Variants in RANBP2 observed in about 807,000 individuals in gnomAD.
RANBP2 encodes the protein RAN binding protein 2.
In RANBP2, 57 loss-of-function variants were observed where a neutral mutation model predicts 303.6. The observed-to-expected ratio is 0.19, with a 90% confidence interval of 0.15 to 0.23. The LOEUF is 0.23. Among genes scored for constraint, RANBP2 ranks in the 10% least tolerant of loss-of-function variants. The pLI, the probability that RANBP2 is intolerant of heterozygous loss-of-function variation, is 1.00. For missense variants in RANBP2, 3,138 were observed against 3,780.8 expected, an observed-to-expected ratio of 0.83 and a Z score of 4.46; for synonymous variants, 1,167 against 1,301.5, an observed-to-expected ratio of 0.90 and a Z score of 2.23.
At chr2:109,489,601 C>T in the RANBP2 span, among the ~76,000 whole-genome samples, 8 of 152,328 alleles carry the variant, frequency 5.3e-5, no homozygotes, top group East Asian at 7.7e-4. Context: ...GCTGTGTTGT[C>T]GGGGATGGCC....
At position 108,762,169 on chromosome 2, in the gene RANBP2, C is replaced by A; in HGVS notation, c.2671C>A (p.Pro891Thr). The change falls in exon 19 of 29, where the codon CCA (proline) becomes ACA (threonine). Residue 891 changes from proline to threonine, a missense_variant. Physicochemically the swap from Pro to Thr is conservative, Grantham distance 38. Around this residue, in one of 20 missense-constraint regions of RANBP2, gnomAD observed 26 missense variants for 58.0 expected, o/e 0.45. Coordinates refer to ENST00000283195, the MANE Select transcript of RANBP2 (RefSeq NM_006267.5). ...PAYNSQYLLRPAANVTPTKGP... is the reference protein window; with the variant it reads ...PAYNSQYLLRTAANVTPTKGP... ...ATATAATTCCCAGTATCTTCTCAGA[C>A]CAGCAGCTAATGTTACTCCCACAAA... 6.3e-7 allele frequency: 1 copy of A among 1,592,830 alleles called. No individual in the cohort carries two copies. The highest frequency in any genetic ancestry group is 8.5e-7 in the Non-Finnish European group (1 of 1,178,246).
the RANBP2 span, among the ~76,000 whole-genome samples, chr2:109,131,614 G>A: frequency 2.0e-5 from 3 of 152,150 alleles, no homozygotes; most frequent in South Asian, 4.1e-4. Context: ...GAGGTTAGGA[G>A]GTAACCTCTG....
At chr2:109,593,002 T>G in the RANBP2 span, 2 of 1,277,292 alleles carry the variant, frequency 1.6e-6, no homozygotes, top group East Asian at 5.1e-5. Flanking sequence ...TTTAAAATCA[T>G]AGAAGCATTT....
chr2:108,975,556 T>C, the RANBP2 span, among the ~76,000 whole-genome samples: 1 of 152,140 alleles, frequency 6.6e-6, no homozygotes, highest in Non-Finnish European at 1.5e-5. Context: ...GGGTGGACTG[T>C]AGGCTCAGCT....
At chr2:108,959,580 G>T in the RANBP2 span, among the ~76,000 whole-genome samples, 2 of 151,350 alleles carry the variant, frequency 1.3e-5, no homozygotes, top group Non-Finnish European at 2.9e-5. Flanking sequence ...GCAGTCATGG[G>T]GCTGAGGGGA....
chr2:108,921,100 C>T, the RANBP2 span, among the ~76,000 whole-genome samples: 7 of 152,172 alleles, frequency 4.6e-5, no homozygotes, highest in East Asian at 1.9e-4. Context: ...CTGCGAATCA[C>T]CCCCCTGAAA....
At chr2:108,727,888 C>T (rs1694858385) in intron 1 of RANBP2, among the ~76,000 whole-genome samples, 1 of 152,154 alleles carries the variant, frequency 6.6e-6, no homozygotes, top group Non-Finnish European at 1.5e-5. Flanking sequence ...CAGGTGTGAG[C>T]CACCGCACCC....
chr2:109,769,279 CCTT>C, the RANBP2 span, among the ~76,000 whole-genome samples: 12 of 120,046 alleles, frequency 1.0e-4, 4 homozygotes, highest in South Asian at 5.5e-4. Flanking sequence ...GCTCGGCCAA[CCTT>C]CTTCTCTCCG....
the RANBP2 span, among the ~76,000 whole-genome samples, chr2:109,280,958 A>C: frequency 6.6e-6 from 1 of 152,198 alleles, no homozygotes; most frequent in Admixed American, 6.5e-5. Context: ...CAGGTTCCCT[A>C]GGTGGCAGTG....
chr2:109,519,598 G>T, the RANBP2 span, among the ~76,000 whole-genome samples: 2 of 152,202 alleles, frequency 1.3e-5, no homozygotes, highest in African/African-American at 4.8e-5. Context: ...AGGGTCAGTT[G>T]TGACTTGAAA....
At chr2:109,233,067 G>A in the RANBP2 span, among the ~76,000 whole-genome samples, 1 of 152,162 alleles carries the variant, frequency 6.6e-6, no homozygotes, top group African/African-American at 2.4e-5. Flanking sequence ...CGGAGCTAGT[G>A]CTTTTGGGCT....
chr2:108,986,099 C>T, the RANBP2 span, among the ~76,000 whole-genome samples: 1 of 152,136 alleles, frequency 6.6e-6, no homozygotes, highest in East Asian at 1.9e-4. Context: ...TAAATATGGT[C>T]AAGCTCATTT....
At chr2:109,580,079 C>T in the RANBP2 span, among the ~76,000 whole-genome samples, 2 of 151,948 alleles carry the variant, frequency 1.3e-5, no homozygotes, top group Admixed American at 1.3e-4. Flanking sequence ...CTAGATCGCA[C>T]CACTGCACTC....
chr2:108,964,486 C>G, the RANBP2 span, among the ~76,000 whole-genome samples: 1 of 152,158 alleles, frequency 6.6e-6, no homozygotes, highest in Non-Finnish European at 1.5e-5. Flanking sequence ...AGTCCCTACT[C>G]TAAGAGGAAA....
chr2:109,642,867 C>T, the RANBP2 span, among the ~76,000 whole-genome samples: 3 of 151,270 alleles, frequency 2.0e-5, no homozygotes, highest in Admixed American at 2.0e-4. Context: ...ATCTGCATCT[C>T]ATATTGGAAG....
At chr2:109,009,349 T>A in the RANBP2 span, among the ~76,000 whole-genome samples, 10 of 151,620 alleles carry the variant, frequency 6.6e-5, no homozygotes, top group African/African-American at 1.7e-4. Flanking sequence ...AAAATATATA[T>A]ATAAATAAAT....
At chr2:109,292,152 C>A in the RANBP2 span, among the ~76,000 whole-genome samples, 2 of 152,202 alleles carry the variant, frequency 1.3e-5, no homozygotes, top group Non-Finnish European at 2.9e-5. Context: ...CGTGAGCTAC[C>A]GTGCCTGGCC....
At chr2:108,953,228 T>A in the RANBP2 span, among the ~76,000 whole-genome samples, 2 of 152,214 alleles carry the variant, frequency 1.3e-5, no homozygotes. Flanking sequence ...CAGAATTGCT[T>A]ATCCCTGTGA....
chr2:109,435,181 T>A, the RANBP2 span, among the ~76,000 whole-genome samples: 5 of 152,252 alleles, frequency 3.3e-5, no homozygotes, highest in African/African-American at 1.2e-4. Flanking sequence ...TGCGCCCGGG[T>A]CGGCTGCCCC....
Sources: gnomAD v4.1 joint callset for allele counts (sites outside exome capture counted in the v4.1 genomes callset) on GRCh38, gnomAD v4.1.1 for gene constraint, gnomAD v4.1.1 regional missense constraint, MANE v1.5 for transcripts, NCBI Gene and HGNC (gene_info 2026-07-23, HGNC 2026-07-21) for gene names.